SET: variants seen among roughly 807,000 people sequenced by gnomAD.
SET encodes protein SET.
Under a neutral mutation model 39.0 loss-of-function variants are expected in SET, and 4 were observed. The observed-to-expected ratio is 0.10, with a 90% CI of 0.05 to 0.23. The LOEUF (loss-of-function observed/expected upper bound fraction) is 0.23, where lower values mean the gene tolerates loss of function less well. Ranked by LOEUF, SET falls within the 10% of genes least tolerant of loss-of-function variation. SET has a pLI of 1.00. For missense variants in SET, 137 were observed against 329.7 expected, an observed-to-expected ratio of 0.42 and a Z score of 4.53; for synonymous variants, 114 against 115.9, an observed-to-expected ratio of 0.98 and a Z score of 0.11.
At chr9:128,683,880 G>A (rs1861197802) in exon 1 of SET, 1 of 1,545,184 alleles carries the variant, frequency 6.5e-7, no homozygotes, top group South Asian at 1.2e-5. Flanking sequence ...TCTGGTTCTG[G>A]GACTTCCCTA....
intron 1 of SET, chr9:128,690,844 T>G: frequency 3.1e-6 from 1 of 318,958 alleles, no homozygotes; most frequent in Non-Finnish European, 5.9e-6. Context: ...TAATGTGAAA[T>G]AATAAACGTG....
At position 128,694,049 on chromosome 9, in the gene SET, GA is replaced by G; in HGVS notation, c.810+11del. 1 of 1,512,980 alleles carries G rather than the reference GA, an allele frequency of 6.6e-7. No individual in the cohort carries two copies. Among genetic ancestry groups the G allele is most frequent in the South Asian group, 1.2e-5 (1 of 80,404 alleles). The allele number at this position is 1,512,980 out of a possible 1,614,324, so 93.7% of individuals were successfully genotyped here. A position where few individuals can be genotyped will look rare whatever the true frequency, so the allele number is the denominator to read the frequency against. ...TGAAGGGGAGGAAGGAGAGGTAAAA[GA>G]AAATTTGGCTAAACCCACAAAGATA... On this transcript the variant is annotated splice_region_variant and intron_variant, in intron 7 of 7. Coordinates refer to ENST00000322030, the MANE Select transcript of SET (RefSeq NM_003011.4).
rs1861741119 is a variant in SET, at chr9:128,696,372, A to C, written c.*1708A>C. On this transcript the variant is annotated 3_prime_UTR_variant, in exon 8 of 8. Coordinates refer to ENST00000322030, the MANE Select transcript of SET (RefSeq NM_003011.4). ...ACCGATCAGGAATCTTGCTCCAATA[A>C]AGGAACATAAAGATTTTTTTTGGAC... is the stretch of plus-strand genomic sequence containing the variant. 1 of 181,128 alleles carries C rather than the reference A, an allele frequency of 5.5e-6. No homozygotes were observed. The highest frequency in any genetic ancestry group is 1.2e-5 in the Non-Finnish European group (1 of 84,362). 11.2% of individuals were successfully genotyped at this position (181,128 alleles called of 1,614,324 possible).
chr9:128,685,086 A>G, upstream of SET: 1 of 1,540,048 alleles, frequency 6.5e-7, no homozygotes, highest in Non-Finnish European at 8.8e-7. Context: ...CTTATGGAAG[A>G]AGCACTGAGG....
Position 128,689,231 on chromosome 9 carries a change from T to TAGGAGGAGGTGG in SET, c.-342_-331dup, listed in dbSNP as rs896763753. 5.5e-5 allele frequency: 55 copies of TAGGAGGAGGTGG among 994,532 alleles called. No individual in the cohort carries two copies. The highest frequency in any genetic ancestry group is 1.2e-4 in the Admixed American group (2 of 16,394). The allele number at this position is 994,532 out of a possible 1,614,324, so 61.6% of individuals were successfully genotyped here. A position where few individuals can be genotyped will look rare whatever the true frequency, so the allele number is the denominator to read the frequency against. On this transcript the variant is annotated 5_prime_UTR_variant, in exon 1 of 8. Transcript: ENST00000322030. Reference sequence around the variant, plus strand: ...TGCGCCCTGCGCCCGCCCCTCGCCGTAGGAGGAGGTGGAGGAGGAGGCGGC... The same window carrying TAGGAGGAGGTGG: ...TGCGCCCTGCGCCCGCCCCTCGCCGTAGGAGGAGGTGGAGGAGGAGGTGGAGGAGGAGGCGGC...
At position 128,689,308 on chromosome 9, in the gene SET, C is replaced by G; in HGVS notation, c.-275C>G. On this transcript the variant is annotated 5_prime_UTR_variant, in exon 1 of 8. Transcript: ENST00000322030. Reference sequence around the variant, plus strand: ...GGATCGCCGAGCGCGAGTGAGGGAGCCGAGCCGCCCGCCGCCGCCGCCTCC... The same window carrying G: ...GGATCGCCGAGCGCGAGTGAGGGAGGCGAGCCGCCCGCCGCCGCCGCCTCC... 1 of 1,025,944 alleles carries G rather than the reference C, an allele frequency of 9.7e-7. No homozygotes were observed. The highest frequency in any genetic ancestry group is 1.2e-6 in the Non-Finnish European group (1 of 855,724). 63.6% of individuals were successfully genotyped at this position (1,025,944 alleles called of 1,614,324 possible).
upstream of SET, among the ~76,000 whole-genome samples, chr9:128,688,886 C>A (rs941803323): frequency 6.6e-6 from 1 of 152,068 alleles, no homozygotes; most frequent in Admixed American, 6.5e-5. Context: ...GCGCCCCGCT[C>A]CCGGTGCCCC....
upstream of SET, among the ~76,000 whole-genome samples, chr9:128,688,926 G>A (rs1861381476): frequency 6.6e-6 from 1 of 151,872 alleles, no homozygotes; most frequent in Non-Finnish European, 1.5e-5. Context: ...CGCTCACCAC[G>A]TGACGCGCCG....
chr9:128,692,467 T>A (rs1178371542), intron 3 of SET, 195 bp from the exon 4 acceptor site: 1 of 502,752 alleles, frequency 2.0e-6, no homozygotes, highest in African/African-American at 2.0e-5. Flanking sequence ...TTCTATTCTG[T>A]TTAGGAGAAG....
chr9:128,686,288 G>A (rs1245216001), upstream of SET, among the ~76,000 whole-genome samples: 1 of 152,154 alleles, frequency 6.6e-6, no homozygotes, highest in Non-Finnish European at 1.5e-5. Flanking sequence ...AGCACTGTGT[G>A]GGGAAGGGCA....
At chr9:128,694,447 T>C (rs1161176452) in intron 7 of SET, among the ~76,000 whole-genome samples, 194 bp from the exon 8 acceptor site, 1 of 152,210 alleles carries the variant, frequency 6.6e-6, no homozygotes, top group South Asian at 2.1e-4. Context: ...ATCCGAAATA[T>C]ACCTGATTTG....
chr9:128,684,133 G>C, intron 1 of SET: 3 of 723,090 alleles, frequency 4.1e-6, no homozygotes, highest in Non-Finnish European at 6.8e-6. Context: ...TTAAACCTGG[G>C]ATGGTGGATT....
chr9:128,689,350 C>G lies in SET; in HGVS notation c.-233C>G, dbSNP rs1861409608. 1.9e-6 allele frequency: 2 copies of G among 1,046,202 alleles called. No individual in the cohort carries two copies. Among genetic ancestry groups the G allele is most frequent in the Non-Finnish European group, 1.2e-6 (1 of 865,686 alleles). 64.8% of individuals were successfully genotyped at this position (1,046,202 alleles called of 1,614,324 possible). On this transcript the variant is annotated 5_prime_UTR_variant, in exon 1 of 8. Transcript: ENST00000322030. ...GCCGCCTCCGCCTCCCCTCCGCGAA[C>G]AGGAGCCCGGGCCGGGGCCCGGCAC...
At chr9:128,691,819 A>C in intron 2 of SET, 39 bp from the exon 3 acceptor site, 2 of 1,575,302 alleles carry the variant, frequency 1.3e-6, no homozygotes, top group Non-Finnish European at 1.7e-6. Flanking sequence ...TAATTTGTTA[A>C]ATACTATCAT....
chr9:128,691,268 ATG>A (rs759807841), intron 2 of SET, 41 bp downstream of exon 2: 1 of 1,236,118 alleles, frequency 8.1e-7, no homozygotes, highest in South Asian at 1.3e-5. Flanking sequence ...ATTTTCTGAG[ATG>A]TGTCTAATAG....
chr9:128,692,262 C>T (rs1309081247), intron 3 of SET: 10 of 355,248 alleles, frequency 2.8e-5, no homozygotes, highest in East Asian at 1.0e-4. Context: ...TGGTGGCGCG[C>T]GCTTGTAATC....
chr9:128,684,115 A>T, intron 1 of SET: 1 of 844,436 alleles, frequency 1.2e-6, no homozygotes, highest in South Asian at 1.7e-5. Flanking sequence ...AAGCACCCCC[A>T]AAGGGTTTTA....
rs1861672198 is a variant in SET at position 128,694,773 on chromosome 9, G to A, written c.*109G>A. On this transcript the variant is annotated 3_prime_UTR_variant, in exon 8 of 8. Coordinates refer to ENST00000322030, the MANE Select transcript of SET (RefSeq NM_003011.4). ...TTTTTTTTTTTCCCTCTTGTGCTCA[G>A]TCGCCCTGTTCTTGAGGTCTCTTTT... The A allele has an allele frequency of 1.8e-6, 1 of 571,320 alleles. No individual in the cohort carries two copies. The allele number at this position is 571,320 out of a possible 1,614,324, so 35.4% of individuals were successfully genotyped here.
At chr9:128,683,648 G>C, upstream of SET, 1 of 417,844 alleles carries the variant, frequency 2.4e-6, no homozygotes, top group Non-Finnish European at 4.3e-6. Context: ...CTCCCCCAAA[G>C]CCAAGAGTGC....
Sources: allele counts gnomAD v4.1 joint callset (sites outside exome capture counted in the v4.1 genomes callset), GRCh38; gene constraint gnomAD v4.1.1; transcripts MANE v1.5; gene names NCBI Gene and HGNC (gene_info 2026-07-23, HGNC 2026-07-21).